The following GRID2 variants were observed in gnomAD, a reference collection of about 807,000 sequenced individuals.
GRID2 encodes glutamate receptor ionotropic, delta-2.
GRID2 carries 33 observed loss-of-function variants against 114.8 expected under a neutral mutation model. The observed-to-expected ratio is 0.29, with a 90% CI of 0.22 to 0.38. The LOEUF (loss-of-function observed/expected upper bound fraction) is 0.38. Ranked by LOEUF, GRID2 falls within the 10% of genes least tolerant of loss-of-function variation. The pLI, the probability that GRID2 is intolerant of heterozygous loss-of-function variation, is 1.00. For missense variants in GRID2, 1,184 were observed against 1,257.7 expected, an observed-to-expected ratio of 0.94 and a Z score of 0.89; for synonymous variants, 505 against 449.9, an observed-to-expected ratio of 1.12 and a Z score of -1.55.
intron 8 of GRID2, among the ~76,000 whole-genome samples, chr4:93,331,385 T>A (rs1216233860): frequency 6.6e-6 from 1 of 151,990 alleles, no homozygotes; most frequent in Non-Finnish European, 1.5e-5. Flanking sequence ...ACATTCTTGG[T>A]AACGTGGACC....
At chr4:93,215,485 TGACA>T (rs767814134) in intron 5 of GRID2, among the ~76,000 whole-genome samples, 62 of 152,030 alleles carry the variant, frequency 4.1e-4, no homozygotes, top group Non-Finnish European at 8.8e-5. Context: ...ACCTGCTCTT[TGACA>T]GACAAAGTTT....
intron 2 of GRID2, among the ~76,000 whole-genome samples, chr4:92,641,232 A>C (rs28578294): frequency 0.024 from 3,577 of 151,698 alleles, 134 homozygotes; most frequent in African/African-American, 0.08. Context: ...GACATCCTAA[A>C]TATATATATT....
chr4:93,060,372 T>A (rs531876940), intron 2 of GRID2, among the ~76,000 whole-genome samples: 8 of 152,174 alleles, frequency 5.3e-5, no homozygotes, highest in Non-Finnish European at 8.8e-5. Context: ...TCTGACTGCC[T>A]GCTATATTCT....
At chr4:93,671,837 A>C (rs1168676522) in intron 14 of GRID2, among the ~76,000 whole-genome samples, 1 of 151,820 alleles carries the variant, frequency 6.6e-6, no homozygotes, top group Non-Finnish European at 1.5e-5. Context: ...TTTGCCAGGC[A>C]TGGTGGCATA....
intron 8 of GRID2, among the ~76,000 whole-genome samples, chr4:93,270,587 A>G (rs2149567987): frequency 6.6e-6 from 1 of 152,120 alleles, no homozygotes; most frequent in East Asian, 1.9e-4. Flanking sequence ...CCGAGAGAGG[A>G]TAACATAATA....
intron 8 of GRID2, among the ~76,000 whole-genome samples, chr4:93,275,065 C>T (rs901426953): frequency 2.0e-5 from 3 of 151,804 alleles, no homozygotes; most frequent in Non-Finnish European, 4.4e-5. Context: ...AGTAGTCACC[C>T]CCGACTTCCC....
chr4:93,310,429 G>A (rs928477741), intron 8 of GRID2, among the ~76,000 whole-genome samples: 5 of 152,152 alleles, frequency 3.3e-5, no homozygotes, highest in African/African-American at 1.2e-4. Flanking sequence ...TACTTGGGAG[G>A]CTGAGGCAGG....
chr4:92,423,605 A>G (rs1427074789), intron 1 of GRID2, among the ~76,000 whole-genome samples: 3 of 152,182 alleles, frequency 2.0e-5, no homozygotes, highest in Non-Finnish European at 4.4e-5. Context: ...TTACATTCTT[A>G]TGGCATATGC....
intron 14 of GRID2, among the ~76,000 whole-genome samples, chr4:93,742,259 A>T (rs1011996982): frequency 7.2e-5 from 11 of 152,258 alleles, no homozygotes; most frequent in African/African-American, 2.6e-4. Flanking sequence ...TGTTCCAGGC[A>T]CTAGCAACAA....
chr4:92,382,846 C>A (rs911346322), intron 1 of GRID2, among the ~76,000 whole-genome samples: 2 of 151,860 alleles, frequency 1.3e-5, no homozygotes, highest in Admixed American at 6.6e-5. Context: ...TAGATCTAAG[C>A]ATTTTGTATT....
rs183234148 is a variant in GRID2, at chr4:92,416,013, T to G, written c.88+111269T>G. On this transcript the variant is annotated intron_variant, in intron 1 of 15. Coordinates refer to ENST00000282020, the MANE Select transcript of GRID2 (RefSeq NM_001510.4). ...TCCATGGTGGTTGTACTAGTTTACA[T>G]TCCCACCAGCAGTTTAAAAGTGTTC... Among the ~76,000 whole-genome samples the G allele has an allele frequency of 3.9e-3, 589 of 151,954 alleles. 3 individuals carry two copies. Among genetic ancestry groups the G allele is most frequent in the Admixed American group, 6.5e-3 (99 of 15,240 alleles).
intron 2 of GRID2, among the ~76,000 whole-genome samples, chr4:93,065,045 T>C (rs948394392): frequency 2.0e-5 from 3 of 151,874 alleles, no homozygotes; most frequent in Non-Finnish European, 2.9e-5. Flanking sequence ...CGTGTTTTTG[T>C]GTTTTTCAAT....
chr4:93,324,798 T>C (rs1420895814), intron 8 of GRID2, among the ~76,000 whole-genome samples: 1 of 152,180 alleles, frequency 6.6e-6, no homozygotes, highest in African/African-American at 2.4e-5. Context: ...TATCTATGTC[T>C]TCTAGATTTT....
At chr4:93,178,802 A>G (rs1432341042) in intron 4 of GRID2, among the ~76,000 whole-genome samples, 2 of 152,024 alleles carry the variant, frequency 1.3e-5, no homozygotes, top group Admixed American at 1.3e-4. Context: ...TTATGTTCTT[A>G]ACTGGTAAAC....
chr4:92,885,987 G>A (rs1022204906), intron 2 of GRID2, among the ~76,000 whole-genome samples: 2 of 152,090 alleles, frequency 1.3e-5, no homozygotes, highest in African/African-American at 4.8e-5. Context: ...TAAGCTAAAT[G>A]TTCTTAATGC....
At chr4:92,600,011 C>A (rs944703536) in intron 2 of GRID2, among the ~76,000 whole-genome samples, 72 of 121,032 alleles carry the variant, frequency 5.9e-4, no homozygotes, top group Non-Finnish European at 9.4e-4. Flanking sequence ...GGCGACAGGG[C>A]AATACTTCAT....
chr4:93,322,502 G>A (rs1579672121), intron 8 of GRID2, among the ~76,000 whole-genome samples: 1 of 152,030 alleles, frequency 6.6e-6, no homozygotes, highest in African/African-American at 2.4e-5. Context: ...TGCCGCAATA[G>A]ACATACATGT....
At chr4:92,509,167 T>G (rs1207388388) in intron 1 of GRID2, among the ~76,000 whole-genome samples, 1 of 151,864 alleles carries the variant, frequency 6.6e-6, no homozygotes, top group African/African-American at 2.4e-5. Context: ...ATTACTGTGT[T>G]TATAACATGA....
chr4:93,332,693 A>G (rs545664249), intron 8 of GRID2, among the ~76,000 whole-genome samples: 1 of 152,258 alleles, frequency 6.6e-6, no homozygotes, highest in African/African-American at 2.4e-5. Flanking sequence ...GTTAAGAGGC[A>G]TAGGAATATG....
Sources: gnomAD v4.1 joint callset for allele counts (sites outside exome capture counted in the v4.1 genomes callset) on GRCh38, gnomAD v4.1.1 for gene constraint, MANE v1.5 for transcripts, NCBI Gene and HGNC (gene_info 2026-07-23, HGNC 2026-07-21) for gene names.